Variants in ERP29 observed in about 807,000 individuals in gnomAD.
ERP29 encodes endoplasmic reticulum resident protein 29.
In ERP29, 14 loss-of-function variants were observed where a neutral mutation model predicts 21.7. That is an observed-to-expected ratio of 0.64 (90% CI 0.43 to 1.01). The LOEUF (loss-of-function observed/expected upper bound fraction) is 1.01. Among genes scored for constraint, ERP29 ranks in the 50% least tolerant of loss-of-function variants. ERP29 has a pLI of 0.00. For synonymous variants in ERP29, 129 were observed against 139.1 expected (o/e 0.93, Z 0.51); for missense variants, 286 against 327.3 (o/e 0.87, Z 0.97).
chr12:112,019,319 C>A (rs915892601), intron 1 of ERP29: 17 of 249,428 alleles, frequency 6.8e-5, no homozygotes, highest in Non-Finnish European at 1.3e-4. Context: ...CCAAAGCGTC[C>A]TCCATGATGC....
At chr12:112,017,372 A>G (rs1237109096) in intron 1 of ERP29, among the ~76,000 whole-genome samples, 1 of 152,240 alleles carries the variant, frequency 6.6e-6, no homozygotes, top group Non-Finnish European at 1.5e-5. Flanking sequence ...ATAGCAGGGT[A>G]TGATGAAAAT....
intron 2 of ERP29, 27 bp downstream of exon 2, chr12:112,019,921 G>A: frequency 6.2e-7 from 1 of 1,612,874 alleles, no homozygotes; most frequent in Non-Finnish European, 8.5e-7. Context: ...GACGGCTGGG[G>A]GGGCAGAGAG....
intron 1 of ERP29, chr12:112,018,663 A>G (rs2078027616): frequency 1.3e-5 from 2 of 152,250 alleles, no homozygotes; most frequent in Non-Finnish European, 2.9e-5. Context: ...ACTTGTATAT[A>G]TACCCAAAAG....
Position 112,022,762 on chromosome 12 carries a change from T to TA in ERP29, c.*112dup. On this transcript the variant is annotated 3_prime_UTR_variant, in exon 3 of 3. Transcript: ENST00000261735. ...AAGGGGGTAGTGGGAAAAGTGGTAC[T>TA]AACCCACGATTCTGAGCCCTGAGTA... is the stretch of plus-strand genomic sequence containing the variant. The TA allele has an allele frequency of 1.8e-6, 2 of 1,110,754 alleles. No individual in the cohort carries two copies. The highest frequency in any genetic ancestry group is 3.1e-5 in the African/African-American group (2 of 64,146). The allele number at this position is 1,110,754 out of a possible 1,614,324, so 68.8% of individuals were successfully genotyped here. A position where few individuals can be genotyped will look rare whatever the true frequency, so the allele number is the denominator to read the frequency against.
chr12:112,019,648 C>A, intron 1 of ERP29, 108 bp from the exon 2 acceptor site: 1 of 1,292,866 alleles, frequency 7.7e-7, no homozygotes, highest in Non-Finnish European at 1.1e-6. Flanking sequence ...GCTTGCCTCC[C>A]TTGTGGGCTT....
At chr12:112,020,566 A>C (rs576328205) in intron 2 of ERP29, among the ~76,000 whole-genome samples, 2 of 152,104 alleles carry the variant, frequency 1.3e-5, no homozygotes, top group South Asian at 4.1e-4. Context: ...AGTCCCAGGC[A>C]GGGGCTTACT....
In ERP29 at chr12:112,013,545, C is replaced by T. The variant is rs2077955664; in HGVS notation, c.80C>T (p.Pro27Leu). ...LLLGFLLLSA[P>L]HGGSGLHTKG... The stretch of plus-strand genomic sequence containing the variant: ...CTGGGCTTCCTGCTCCTCTCCGCTC[C>T]GCATGGCGGCAGCGGCCTGCACACC... The change falls in exon 1 of 3, where the codon CCG becomes CTG. Residue 27 changes from proline to leucine, a missense_variant. Physicochemically the swap from Pro to Leu is moderately conservative, Grantham distance 98. Coordinates refer to ENST00000261735, the MANE Select transcript of ERP29 (RefSeq NM_006817.4). 1 of 1,612,674 alleles carries T rather than the reference C, an allele frequency of 6.2e-7. No homozygotes were observed.
At chr12:112,013,663 C>T in intron 1 of ERP29, 54 bp downstream of exon 1, 2 of 1,486,156 alleles carry the variant, frequency 1.3e-6, no homozygotes, top group Non-Finnish European at 1.8e-6. Context: ...CCCGGAAGAG[C>T]GCGCGCCCGT....
intron 2 of ERP29, 85 bp downstream of exon 2, chr12:112,019,979 A>G: frequency 6.6e-7 from 1 of 1,522,428 alleles, no homozygotes; most frequent in Non-Finnish European, 9.1e-7. Flanking sequence ...AATACCCAGC[A>G]TCTTTCCTTC....
intron 2 of ERP29, among the ~76,000 whole-genome samples, chr12:112,020,882 G>C (rs1301145491): frequency 1.3e-5 from 2 of 152,174 alleles, no homozygotes; most frequent in Non-Finnish European, 1.5e-5. Context: ...TGAAGAAATG[G>C]ATGCTTAGAG....
At chr12:112,022,100 G>A (rs940564706) in intron 2 of ERP29, 50 bp from the exon 3 acceptor site, 12 of 1,597,956 alleles carry the variant, frequency 7.5e-6, no homozygotes, top group Non-Finnish European at 9.4e-6. Context: ...GCAATTTTCT[G>A]CCCTGAGTTC....
Position 112,019,901 on chromosome 12 carries a change from A to G in ERP29, c.283+7A>G, listed in dbSNP as rs753078620. ...GCAGAGGTGGGGATCTCAGGTATGG[A>G]CAAGTCCAGGACGGCTGGGGGGGCA... is the stretch of plus-strand genomic sequence containing the variant. On this transcript the variant is annotated splice_region_variant and intron_variant, in intron 2 of 2. Coordinates refer to ENST00000261735, the MANE Select transcript of ERP29 (RefSeq NM_006817.4). 1 of 1,613,878 alleles carries G rather than the reference A, an allele frequency of 6.2e-7. No individual in the cohort carries two copies. The highest frequency in any genetic ancestry group is 1.3e-5 in the African/African-American group (1 of 74,858).
At chr12:112,017,847 C>T (rs990488745) in intron 1 of ERP29, among the ~76,000 whole-genome samples, 23 of 144,382 alleles carry the variant, frequency 1.6e-4, no homozygotes, top group Non-Finnish European at 8.9e-5. Context: ...TGCAGTGGCG[C>T]GATCTCGGCT....
chr12:112,013,922 A>C (rs905502801), intron 1 of ERP29, among the ~76,000 whole-genome samples: 43 of 152,270 alleles, frequency 2.8e-4, no homozygotes, highest in African/African-American at 1.0e-3. Flanking sequence ...GTGCCTGGCG[A>C]GATCCAACCC....
rs1318416259 is a variant in ERP29 at position 112,022,486 on chromosome 12, G to T, written c.620G>T (p.Gly207Val). ...GCCGAGCAATACCTGAAGATCATGG[G>T]GAAGATCTTAGACCAAGGGGAGGAC... ...KWAEQYLKIM[G>V]KILDQGEDFP... The change falls in exon 3 of 3, where the codon GGG (glycine) becomes GTG (valine). Residue 207 changes from glycine (G) to valine (V), a missense_variant. Physicochemically the swap from Gly to Val is moderately radical, Grantham distance 109. Transcript: ENST00000261735. 1 of 1,613,946 alleles carries T rather than the reference G, an allele frequency of 6.2e-7. No homozygotes were observed. Among genetic ancestry groups the T allele is most frequent in the African/African-American group, 1.3e-5 (1 of 74,894 alleles).
At position 112,013,534 on chromosome 12, in the gene ERP29, C is replaced by T. The variant is rs1366374876; in HGVS notation, c.69C>T (p.Leu23=). The T allele has an allele frequency of 6.2e-7, 1 of 1,613,052 alleles. No homozygotes were observed. Among genetic ancestry groups the T allele is most frequent in the Non-Finnish European group, 8.5e-7 (1 of 1,179,594 alleles). The part of the protein sequence containing the change: ...PLLPLLLGFL[L]LSAPHGGSGL... ...TTCCCCTTCTCCTGGGCTTCCTGCT[C>T]CTCTCCGCTCCGCATGGCGGCAGCG... Residue 23 remains leucine (L), a synonymous_variant, in exon 1 of 3, where the codon CTC becomes CTT. Coordinates refer to ENST00000261735, the MANE Select transcript of ERP29 (RefSeq NM_006817.4).
At chr12:112,014,804 T>C (rs1290741442) in intron 1 of ERP29, 1 of 152,256 alleles carries the variant, frequency 6.6e-6, no homozygotes, top group Non-Finnish European at 1.5e-5. Flanking sequence ...GAAGTAGTTG[T>C]CTCCAGTGGT....
At chr12:112,018,528 G>A (rs947279799) in intron 1 of ERP29, among the ~76,000 whole-genome samples, 2 of 152,194 alleles carry the variant, frequency 1.3e-5, no homozygotes, top group African/African-American at 4.8e-5. Flanking sequence ...TGGAAGTGAG[G>A]AAGGCAGTGT....
intron 1 of ERP29, chr12:112,014,942 G>C (rs2097936581): frequency 6.6e-6 from 1 of 152,290 alleles, no homozygotes; most frequent in Admixed American, 6.5e-5. Flanking sequence ...CCAGCACTTT[G>C]GGAGGCTGAG....
Sources: allele counts gnomAD v4.1 joint callset (sites outside exome capture counted in the v4.1 genomes callset), GRCh38; gene constraint gnomAD v4.1.1; transcripts MANE v1.5; gene names NCBI Gene and HGNC (gene_info 2026-07-23, HGNC 2026-07-21).